Variants in RHOJ observed in about 807,000 individuals in gnomAD.
The protein encoded by RHOJ is rho-related GTP-binding protein RhoJ.
A neutral mutation model predicts 23.4 loss-of-function variants in RHOJ; 11 were observed. The ratio of observed to expected loss-of-function variants is 0.47; its 90% CI spans 0.30 to 0.78. The LOEUF (loss-of-function observed/expected upper bound fraction) is 0.78, where lower values mean the gene tolerates loss of function less well. RHOJ is among the 30% of genes least tolerant of loss of function. RHOJ has a pLI of 0.08. For missense variants in RHOJ, 254 were observed against 273.4 expected, an observed-to-expected ratio of 0.93 and a Z score of 0.50; for synonymous variants, 102 against 102.7, an observed-to-expected ratio of 0.99 and a Z score of 0.04.
chr14:63,239,188 C>T (rs1002060126), intron 1 of RHOJ, among the ~76,000 whole-genome samples: 3 of 152,026 alleles, frequency 2.0e-5, no homozygotes, highest in African/African-American at 7.2e-5. Flanking sequence ...CTCGACTCAC[C>T]GCAACCTCCG....
chr14:63,230,075 C>G lies in RHOJ; in HGVS notation c.178+25028C>G, dbSNP rs10144206. Among the ~76,000 whole-genome samples the G allele has an allele frequency of 5.6e-3, 859 of 152,044 alleles. 4 individuals are homozygous for G. The highest frequency in any genetic ancestry group is 0.014 in the African/African-American group (601 of 41,490). Reference sequence around the variant, plus strand: ...CTAAAGATTGTCTCAACCACCCTTACAGAAAAACAGTGTGTGGGAGGGCAG... The same window carrying G: ...CTAAAGATTGTCTCAACCACCCTTAGAGAAAAACAGTGTGTGGGAGGGCAG... On this transcript the variant is annotated intron_variant, in intron 1 of 4. Coordinates refer to ENST00000316754, the MANE Select transcript of RHOJ (RefSeq NM_020663.5).
chr14:63,281,890 A>T (rs1244765104), intron 3 of RHOJ, among the ~76,000 whole-genome samples: 1 of 152,230 alleles, frequency 6.6e-6, no homozygotes, highest in African/African-American at 2.4e-5. Context: ...GAAGGGCTTC[A>T]TTGTTATCTG....
chr14:63,206,772 C>A (rs191998745), intron 1 of RHOJ, among the ~76,000 whole-genome samples: 1 of 152,196 alleles, frequency 6.6e-6, no homozygotes, highest in Non-Finnish European at 1.5e-5. Flanking sequence ...AATGTACATA[C>A]TTACTATTGT....
intron 1 of RHOJ, among the ~76,000 whole-genome samples, chr14:63,215,631 A>C (rs1438511453): frequency 6.9e-6 from 1 of 145,260 alleles, no homozygotes; most frequent in African/African-American, 2.9e-5. Context: ...GAGAAGTGAC[A>C]TGTCCAACAT....
At chr14:63,267,709 T>C (rs1326560623) in intron 1 of RHOJ, among the ~76,000 whole-genome samples, 1 of 152,224 alleles carries the variant, frequency 6.6e-6, no homozygotes, top group African/African-American at 2.4e-5. Context: ...TAGCCTGACT[T>C]GTGAAAGGAA....
chr14:63,204,843 G>A lies in RHOJ; in HGVS notation c.-27G>A, dbSNP rs1188572779. On this transcript the variant is annotated 5_prime_UTR_variant, in exon 1 of 5. Transcript: ENST00000316754. ...AAAGCAGGAGAAGCAATAGCAGCAG[G>A]AGTCCCCAGCAGCTGGAGCCGCAAG... The A allele has an allele frequency of 6.3e-6, 10 of 1,595,606 alleles. No individual in the cohort carries two copies. In the East Asian group the frequency reaches 2.3e-4, roughly 36 times the overall value.
rs767327397 is a variant in RHOJ at position 63,290,971 on chromosome 14, A to G, written c.592A>G (p.Lys198Glu). 1.2e-6 allele frequency: 2 copies of G among 1,614,164 alleles called. No homozygotes were observed. The highest frequency in any genetic ancestry group is 3.3e-5 in the Admixed American group (2 of 60,016). The change falls in exon 5 of 5, where the codon AAG (lysine) becomes GAG (glutamate). Residue 198 changes from lysine (K) to glutamate (E), a missense_variant. Transcript: ENST00000316754. Reference protein sequence around the residue: ...DEAILTIFHPKKKKKRCSEGH... With the variant: ...DEAILTIFHPEKKKKRCSEGH... ...AGCAATCCTCACCATTTTCCACCCC[A>G]AGAAAAAGAAGAAACGCTGTTCTGA...
intron 1 of RHOJ, among the ~76,000 whole-genome samples, chr14:63,209,549 C>A (rs1894188150): frequency 6.6e-6 from 1 of 152,220 alleles, no homozygotes; most frequent in South Asian, 2.1e-4. Flanking sequence ...CTTGCACACA[C>A]ACACACTCTC....
chr14:63,270,440 G>A (rs1895447874), intron 2 of RHOJ, among the ~76,000 whole-genome samples: 1 of 152,160 alleles, frequency 6.6e-6, no homozygotes, highest in Non-Finnish European at 1.5e-5. Context: ...CTACCGCCAG[G>A]AACTGGGAGT....
intron 1 of RHOJ, among the ~76,000 whole-genome samples, chr14:63,229,455 G>A (rs968061703): frequency 6.6e-6 from 1 of 152,090 alleles, no homozygotes; most frequent in African/African-American, 2.4e-5. Flanking sequence ...GGTCTTATCA[G>A]GAGTCTCTGG....
intron 1 of RHOJ, among the ~76,000 whole-genome samples, chr14:63,255,260 A>G (rs561931895): frequency 1.7e-4 from 26 of 152,018 alleles, no homozygotes; most frequent in Admixed American, 6.5e-4. Flanking sequence ...CCACCCTCTT[A>G]AGGTCTGGTG....
At chr14:63,220,442 T>C (rs1398337457) in intron 1 of RHOJ, among the ~76,000 whole-genome samples, 1 of 145,878 alleles carries the variant, frequency 6.9e-6, no homozygotes, top group Non-Finnish European at 1.5e-5. Flanking sequence ...ATCCCTGAAC[T>C]TAAAAGTTAA....
intron 1 of RHOJ, among the ~76,000 whole-genome samples, chr14:63,213,343 T>C (rs1467410859): frequency 6.6e-6 from 1 of 152,184 alleles, no homozygotes; most frequent in Non-Finnish European, 1.5e-5. Context: ...TGTCCATGTG[T>C]ACCCAGTGTC....
intron 1 of RHOJ, among the ~76,000 whole-genome samples, chr14:63,266,591 C>T (rs141676510): frequency 0.026 from 4,005 of 152,246 alleles, 83 homozygotes; most frequent in Middle Eastern, 0.041. Context: ...TTGTTTGTAT[C>T]ATCTATAATT....
intron 1 of RHOJ, among the ~76,000 whole-genome samples, chr14:63,248,963 G>A (rs1005770713): frequency 3.9e-5 from 6 of 152,180 alleles, no homozygotes; most frequent in African/African-American, 7.2e-5. Flanking sequence ...AAAGGACCTA[G>A]ACTTGAGTAT....
intron 1 of RHOJ, among the ~76,000 whole-genome samples, chr14:63,266,971 C>T (rs150547948): frequency 0.022 from 3,339 of 152,266 alleles, 56 homozygotes; most frequent in Middle Eastern, 0.037. Flanking sequence ...AGCCCCCACA[C>T]CCCTCACACT....
At chr14:63,283,411 C>G (rs1206500431) in intron 4 of RHOJ, among the ~76,000 whole-genome samples, 195 bp downstream of exon 4, 1 of 152,204 alleles carries the variant, frequency 6.6e-6, no homozygotes, top group Non-Finnish European at 1.5e-5. Context: ...TGTCAGCCAG[C>G]ATTGTCTGTT....
chr14:63,229,470 G>A (rs1290083656), intron 1 of RHOJ, among the ~76,000 whole-genome samples: 2 of 152,140 alleles, frequency 1.3e-5, no homozygotes, highest in African/African-American at 2.4e-5. Context: ...CTCTGGAGAA[G>A]AATCTGCTTC....
intron 1 of RHOJ, among the ~76,000 whole-genome samples, chr14:63,237,871 T>G (rs1395701470): frequency 6.6e-6 from 1 of 152,240 alleles, no homozygotes; most frequent in East Asian, 1.9e-4. Context: ...ATTTTTCACA[T>G]GCTTCTCTTT....
Sources: allele counts gnomAD v4.1 joint callset (sites outside exome capture counted in the v4.1 genomes callset), GRCh38; gene constraint gnomAD v4.1.1; transcripts MANE v1.5; gene names NCBI Gene and HGNC (gene_info 2026-07-23, HGNC 2026-07-21).